The following OPCML variants were observed in gnomAD, a reference collection of about 807,000 sequenced individuals.
The protein encoded by OPCML is opioid-binding protein/cell adhesion molecule.
OPCML carries 13 observed loss-of-function variants against 37.8 expected under a neutral mutation model. The observed-to-expected ratio is 0.34, with a 90% CI of 0.22 to 0.55. OPCML has a LOEUF of 0.55. Among genes scored for constraint, OPCML ranks in the 20% least tolerant of loss-of-function variants. OPCML has a pLI of 0.91. For synonymous variants in OPCML, 176 were observed against 168.8 expected (o/e 1.04, Z -0.33); for missense variants, 341 against 435.6 (o/e 0.78, Z 1.93).
rs55936512 is a variant in OPCML, at chr11:132,937,600, GT to G, written c.146+5325del. Among the ~76,000 whole-genome samples the G allele has an allele frequency of 7.5e-3, 268 of 35,812 alleles. 2 individuals are homozygous for G. The East Asian group carries it at 0.091, about 12-fold the overall frequency. The allele number at this position is 35,812 out of a possible 152,430, so 23.5% of individuals were successfully genotyped here. On this transcript the variant is annotated intron_variant, in intron 2 of 7. Transcript: ENST00000524381. ...GGTGTGTGTGGCGTGTGTGGGGTGT[GT>G]GTGTGTGTGTGTGTGTGTGTGTGTG...
chr11:132,862,321 G>C (rs952057075), intron 2 of OPCML, among the ~76,000 whole-genome samples: 32 of 152,216 alleles, frequency 2.1e-4, no homozygotes, highest in African/African-American at 5.5e-4. Flanking sequence ...GGTAGGCTGG[G>C]TGCATCATCT....
chr11:132,932,724 A>T (rs2136637191), intron 2 of OPCML, among the ~76,000 whole-genome samples: 1 of 149,194 alleles, frequency 6.7e-6, no homozygotes, highest in Non-Finnish European at 1.5e-5. Context: ...CAAATGCTGC[A>T]TGGATAAATA....
chr11:133,518,880 C>A (rs975635506), intron 1 of OPCML, among the ~76,000 whole-genome samples: 1 of 151,874 alleles, frequency 6.6e-6, no homozygotes, highest in Non-Finnish European at 1.5e-5. Context: ...TGCCCGCCCC[C>A]TAGGGTTCTG....
intron 1 of OPCML, among the ~76,000 whole-genome samples, chr11:133,346,672 C>A (rs1199067589): frequency 6.6e-6 from 1 of 152,112 alleles, no homozygotes; most frequent in Non-Finnish European, 1.5e-5. Flanking sequence ...AAATTCAAGA[C>A]AAAATGGTGG....
chr11:133,363,100 G>A (rs1406370441), intron 1 of OPCML, among the ~76,000 whole-genome samples: 4 of 152,186 alleles, frequency 2.6e-5, no homozygotes, highest in African/African-American at 9.7e-5. Context: ...TCAAGGGAGG[G>A]ATTGGGCTGT....
At chr11:133,429,291 T>C (rs1452383911) in intron 1 of OPCML, among the ~76,000 whole-genome samples, 1 of 152,154 alleles carries the variant, frequency 6.6e-6, no homozygotes, top group Non-Finnish European at 1.5e-5. Flanking sequence ...GGAGACCAAA[T>C]CTTCCTCTTG....
chr11:133,397,047 A>G (rs1383336595), intron 1 of OPCML, among the ~76,000 whole-genome samples: 2 of 152,158 alleles, frequency 1.3e-5, no homozygotes, highest in Admixed American at 6.5e-5. Context: ...CTCCATGTCT[A>G]TTTTTTGAGA....
intron 1 of OPCML, among the ~76,000 whole-genome samples, chr11:133,456,405 T>C (rs1057316939): frequency 7.2e-5 from 11 of 152,138 alleles, no homozygotes; most frequent in Non-Finnish European, 1.6e-4. Context: ...AGCTCCTCCA[T>C]GTCAACCTGC....
intron 2 of OPCML, among the ~76,000 whole-genome samples, chr11:132,843,230 G>T (rs376949981): frequency 2.5e-3 from 379 of 151,944 alleles, no homozygotes; most frequent in African/African-American, 8.8e-3. Context: ...GAGTAGCTGG[G>T]ATTACAGTCA....
chr11:132,496,280 G>A (rs1449222243), intron 4 of OPCML, among the ~76,000 whole-genome samples: 1 of 152,140 alleles, frequency 6.6e-6, no homozygotes, highest in African/African-American at 2.4e-5. Context: ...ATGTCTGAAG[G>A]GGGAGATGTT....
intron 2 of OPCML, among the ~76,000 whole-genome samples, chr11:132,857,274 T>A (rs559288364): frequency 2.4e-4 from 37 of 152,342 alleles, no homozygotes; most frequent in East Asian, 9.6e-4. Flanking sequence ...CATTTGTATA[T>A]CTTCCATGAA....
At chr11:133,175,484 G>GA (rs5795829) in intron 1 of OPCML, among the ~76,000 whole-genome samples, 65,048 of 137,376 alleles carry the variant, frequency 0.47, 15,692 homozygotes, top group East Asian at 0.78. Flanking sequence ...GAGAAAAATA[G>GA]AAAAAAAAAA....
Position 133,140,805 on chromosome 11 carries a change from A to AGACGAC in OPCML, c.62-197801_62-197796dup, listed in dbSNP as rs1592041328. 2.4e-4 allele frequency among the ~76,000 whole-genome samples: 32 copies of AGACGAC among 130,874 alleles called. 2 individuals carry two copies. The highest frequency in any genetic ancestry group is 5.3e-4 in the South Asian group (2 of 3,806). 85.9% of individuals were successfully genotyped at this position (130,874 alleles called of 152,430 possible). A position where few individuals can be genotyped will look rare whatever the true frequency, so the allele number is the denominator to read the frequency against. Reference sequence around the variant, plus strand: ...AAGACGACGAAGAAGAAGAAGAAGAAGACGACGACGAAGAAGAAGACGACG... The same window carrying AGACGAC: ...AAGACGACGAAGAAGAAGAAGAAGAAGACGACGACGACGACGAAGAAGAAGACGACG... On this transcript the variant is annotated intron_variant, in intron 1 of 7. Transcript: ENST00000524381.
intron 1 of OPCML, among the ~76,000 whole-genome samples, chr11:133,502,064 T>G (rs1399807656): frequency 3.3e-5 from 5 of 151,602 alleles, no homozygotes; most frequent in African/African-American, 1.2e-4. Flanking sequence ...AGTCCTCCAA[T>G]GCCCAAAGTG....
chr11:132,499,024 C>T (rs59254928), intron 4 of OPCML, among the ~76,000 whole-genome samples: 11,430 of 152,282 alleles, frequency 0.075, 1,358 homozygotes, highest in African/African-American at 0.25. Flanking sequence ...AAAAGCCATG[C>T]TCTCAGAATT....
chr11:133,144,112 G>T (rs1388951604), intron 1 of OPCML, among the ~76,000 whole-genome samples: 1 of 152,210 alleles, frequency 6.6e-6, no homozygotes, highest in South Asian at 2.1e-4. Flanking sequence ...TTCAAGAAGG[G>T]CATGTGAAGG....
chr11:133,057,997 G>A (rs765812938), intron 1 of OPCML, among the ~76,000 whole-genome samples: 1 of 152,306 alleles, frequency 6.6e-6, no homozygotes, highest in African/African-American at 2.4e-5. Context: ...TTCCGCACTA[G>A]ACTAGGAATA....
At chr11:132,523,408 T>A (rs1591503335) in intron 4 of OPCML, among the ~76,000 whole-genome samples, 1 of 152,326 alleles carries the variant, frequency 6.6e-6, no homozygotes, top group Middle Eastern at 3.4e-3. Context: ...ATTGATCACA[T>A]TCCTGAAAGC....
intron 1 of OPCML, among the ~76,000 whole-genome samples, chr11:133,493,738 T>G (rs116706402): frequency 0.042 from 6,282 of 151,316 alleles, 195 homozygotes; most frequent in South Asian, 0.11. Flanking sequence ...ATTTTAAGAG[T>G]TTTTTAATGT....
Sources: allele counts gnomAD v4.1 joint callset (sites outside exome capture counted in the v4.1 genomes callset), GRCh38; gene constraint gnomAD v4.1.1; transcripts MANE v1.5; gene names NCBI Gene and HGNC (gene_info 2026-07-23, HGNC 2026-07-21).